COMMD1: variants seen among roughly 807,000 people sequenced by gnomAD.
COMMD1 encodes copper metabolism domain containing 1, also known as COMM domain-containing protein 1.
COMMD1 carries 10 observed loss-of-function variants against 17.2 expected under a neutral mutation model. The ratio of observed to expected loss-of-function variants is 0.58; its 90% confidence interval spans 0.36 to 0.99. The LOEUF is 0.99. Among genes scored for constraint, COMMD1 ranks in the 50% least tolerant of loss-of-function variants. COMMD1 has a pLI of 0.01. For synonymous variants in COMMD1, 97 were observed against 91.6 expected (o/e 1.06, Z -0.34); for missense variants, 270 against 231.8 (o/e 1.17, Z -1.07).
chr2:61,948,501 A>G (rs985352679), intron 1 of COMMD1, among the ~76,000 whole-genome samples: 2 of 152,210 alleles, frequency 1.3e-5, no homozygotes, highest in African/African-American at 4.8e-5. Flanking sequence ...TCACATGTGC[A>G]TAATATATAT....
Position 62,131,158 on chromosome 2 carries a change from A to G in COMMD1, c.463-4673A>G, listed in dbSNP as rs1401560299. Among the ~76,000 whole-genome samples the G allele has an allele frequency of 2.4e-4, 36 of 152,194 alleles. 1 individual carries two copies. The highest frequency in any genetic ancestry group is 2.4e-3 in the Admixed American group (36 of 15,278). ...TGCACTTGGAGAGACAAAAATTTGA[A>G]TATTTTGCCTTTGCTTTCCATTGTA... On this transcript the variant is annotated intron_variant, in intron 2 of 2. Coordinates refer to ENST00000311832, the MANE Select transcript of COMMD1 (RefSeq NM_152516.4).
intron 2 of COMMD1, among the ~76,000 whole-genome samples, chr2:62,027,411 T>G (rs1669788903): frequency 6.6e-6 from 1 of 152,198 alleles, no homozygotes; most frequent in Non-Finnish European, 1.5e-5. Context: ...AAAAATTGCT[T>G]TTAGTAACAT....
At chr2:61,918,560 C>G (rs901863224) in intron 1 of COMMD1, 1 of 152,062 alleles carries the variant, frequency 6.6e-6, no homozygotes, top group African/African-American at 2.4e-5. Flanking sequence ...TTTGGTTTTC[C>G]TTTTCTCAAA....
intron 1 of COMMD1, among the ~76,000 whole-genome samples, chr2:61,989,812 A>G (rs886470332): frequency 6.6e-6 from 1 of 152,014 alleles, no homozygotes; most frequent in Admixed American, 6.6e-5. Context: ...TCCCTTCAAC[A>G]TGTGTTTGTA....
intron 1 of COMMD1, among the ~76,000 whole-genome samples, chr2:61,933,017 G>T (rs1229908950): frequency 6.6e-6 from 1 of 152,122 alleles, no homozygotes; most frequent in Non-Finnish European, 1.5e-5. Flanking sequence ...TTGAAGGGTA[G>T]TATATGTGGA....
chr2:61,905,730 G>T lies in COMMD1; in HGVS notation c.52G>T (p.Ala18Ser), dbSNP rs191973283. 6.2e-7 allele frequency: 1 copy of T among 1,611,452 alleles called. No individual in the cohort carries two copies. The highest frequency in any genetic ancestry group is 2.2e-5 in the East Asian group (1 of 44,838). Residue 18 changes from alanine to serine, a missense_variant, in exon 1 of 3, where the codon GCG (alanine) becomes TCG (serine). Coordinates refer to ENST00000311832, the MANE Select transcript of COMMD1 (RefSeq NM_152516.4). ...CAAACCCCTGAGCGGGCTGCTGAAT[G>T]CGCTGGCCCAGGACACTTTCCACGG... is the stretch of plus-strand genomic sequence containing the variant. ...GGKPLSGLLN[A>S]LAQDTFHGYP...
chr2:62,008,324 A>C (rs1669180807), intron 2 of COMMD1, among the ~76,000 whole-genome samples: 1 of 152,138 alleles, frequency 6.6e-6, no homozygotes, highest in Non-Finnish European at 1.5e-5. Context: ...GTGCACATGC[A>C]CACAGACCCA....
rs149893060 is a variant in COMMD1, at chr2:61,916,170, C to G, written c.180+10312C>G. ...TAGAGATGGGTTTCACCATGTTGCC[C>G]AGGCCGGTCTCAAACTCCTGGACTC... is the stretch of plus-strand genomic sequence containing the variant. On this transcript the variant is annotated intron_variant, in intron 1 of 2. Coordinates refer to ENST00000311832, the MANE Select transcript of COMMD1 (RefSeq NM_152516.4). 5.0e-3 allele frequency among the ~76,000 whole-genome samples: 765 copies of G among 152,214 alleles called. 10 individuals are homozygous for G. Among genetic ancestry groups the G allele is most frequent in the African/African-American group, 0.016 (684 of 41,532 alleles).
At chr2:61,959,592 A>T (rs943081909) in intron 1 of COMMD1, among the ~76,000 whole-genome samples, 25 of 152,234 alleles carry the variant, frequency 1.6e-4, no homozygotes, top group African/African-American at 5.8e-4. Context: ...TTCCAAAGAC[A>T]CACATCTTGT....
intron 1 of COMMD1, among the ~76,000 whole-genome samples, chr2:61,963,192 C>T (rs200851163): frequency 0.15 from 14,420 of 96,636 alleles, 1,757 homozygotes; most frequent in African/African-American, 0.39. Flanking sequence ...ATATTATATA[C>T]ACACACACAC....
At chr2:61,920,724 A>C (rs1038477006) in intron 1 of COMMD1, among the ~76,000 whole-genome samples, 2 of 152,080 alleles carry the variant, frequency 1.3e-5, no homozygotes, top group African/African-American at 4.8e-5. Context: ...TAAAGGGTGT[A>C]ATTTAGAAGC....
At chr2:61,938,396 T>C (rs1670655749) in intron 1 of COMMD1, among the ~76,000 whole-genome samples, 1 of 152,096 alleles carries the variant, frequency 6.6e-6, no homozygotes, top group Admixed American at 6.6e-5. Context: ...GTGTGTTCAG[T>C]TCCAAAGGAT....
chr2:62,063,868 A>AATATATATATATATACATAT (rs1670948058), intron 2 of COMMD1, among the ~76,000 whole-genome samples: 1 of 81,176 alleles, frequency 1.2e-5, no homozygotes, highest in African/African-American at 4.9e-5. Flanking sequence ...GTCTCTACAA[A>AATATATATATATATACATAT]ATATATATAT....
At chr2:61,951,096 A>C (rs925553720) in intron 1 of COMMD1, among the ~76,000 whole-genome samples, 3 of 152,162 alleles carry the variant, frequency 2.0e-5, no homozygotes. Flanking sequence ...GAATTCCAGG[A>C]AACTCCCACG....
chr2:62,024,964 C>T (rs533790419), intron 2 of COMMD1, among the ~76,000 whole-genome samples: 9 of 152,282 alleles, frequency 5.9e-5, no homozygotes, highest in Admixed American at 2.6e-4. Context: ...AGGTGGCTCA[C>T]GCCTGTAATA....
At chr2:61,994,233 C>T (rs1668682928) in intron 1 of COMMD1, among the ~76,000 whole-genome samples, 1 of 152,126 alleles carries the variant, frequency 6.6e-6, no homozygotes, top group Non-Finnish European at 1.5e-5. Context: ...ATGACCTGCC[C>T]ACCTCAGCCT....
chr2:61,891,394 G>A (rs1669426598), intron 1 of COMMD1, among the ~76,000 whole-genome samples: 1 of 152,166 alleles, frequency 6.6e-6, no homozygotes, highest in Non-Finnish European at 1.5e-5. Context: ...TCATCAGAGT[G>A]TTAATGTACA....
intron 2 of COMMD1, among the ~76,000 whole-genome samples, chr2:62,006,393 C>T (rs1366271084): frequency 6.6e-6 from 1 of 150,914 alleles, no homozygotes; most frequent in Non-Finnish European, 1.5e-5. Flanking sequence ...ACATACATAA[C>T]CTTGTTTTCT....
At chr2:62,002,171 A>C (rs1204833764) in intron 2 of COMMD1, among the ~76,000 whole-genome samples, 1 of 151,054 alleles carries the variant, frequency 6.6e-6, no homozygotes, top group Non-Finnish European at 1.5e-5. Context: ...ACTCTGTCTC[A>C]AGAAAAAAAT....
Sources: gnomAD v4.1 joint callset for allele counts (sites outside exome capture counted in the v4.1 genomes callset) on GRCh38, gnomAD v4.1.1 for gene constraint, MANE v1.5 for transcripts, NCBI Gene and HGNC (gene_info 2026-07-23, HGNC 2026-07-21) for gene names.